Variants in SPEF2 observed in about 807,000 individuals in gnomAD.
SPEF2 encodes the protein sperm flagellar and cilia associated 2, also known as sperm flagella and cilia-associated protein 2.
In SPEF2, 187 loss-of-function variants were observed where a neutral mutation model predicts 224.6. The ratio of observed to expected loss-of-function variants is 0.83; its 90% CI spans 0.74 to 0.94. SPEF2 has a LOEUF of 0.94. SPEF2 is among the 40% of genes least tolerant of loss of function. SPEF2 has a pLI of 0.00. For missense variants in SPEF2, 2,170 were observed against 2,135.6 expected, an observed-to-expected ratio of 1.02 and a Z score of -0.32; for synonymous variants, 715 against 707.3, an observed-to-expected ratio of 1.01 and a Z score of -0.17.
chr5:35,737,699 C>T lies in SPEF2; in HGVS notation c.3064-2220C>T, dbSNP rs375598466. On this transcript the variant is annotated intron_variant, in intron 21 of 36. Coordinates refer to ENST00000356031, the MANE Select transcript of SPEF2 (RefSeq NM_024867.4). ...ACGTATGCATGTGTCTTTATAGCAGCATGATTGATACTCCTTTGGGTATAT... is the reference window on the plus strand; with the variant it reads ...ACGTATGCATGTGTCTTTATAGCAGTATGATTGATACTCCTTTGGGTATAT... Among the ~76,000 whole-genome samples the T allele has an allele frequency of 8.5e-5, 13 of 152,260 alleles. No homozygotes were observed. The East Asian group carries it at 1.9e-3, about 23-fold the overall frequency.
chr5:35,699,113 T>C (rs1454156969), intron 15 of SPEF2: 1 of 152,202 alleles, frequency 6.6e-6, no homozygotes, highest in Non-Finnish European at 1.5e-5. Context: ...ATTTTTAGTT[T>C]CGTGACTTTG....
intron 21 of SPEF2, among the ~76,000 whole-genome samples, chr5:35,738,707 A>G (rs12697350): frequency 0.57 from 85,503 of 150,744 alleles, 25,984 homozygotes; most frequent in Middle Eastern, 0.71. Context: ...GAACCAATTG[A>G]GATGTCTGTG....
chr5:35,647,059 T>C (rs1747476774), intron 5 of SPEF2, among the ~76,000 whole-genome samples: 1 of 150,304 alleles, frequency 6.7e-6, no homozygotes, highest in Non-Finnish European at 1.5e-5. Flanking sequence ...TCTGGACTCC[T>C]GTGTTGAAAA....
chr5:35,661,424 A>G (rs986788554), intron 8 of SPEF2, among the ~76,000 whole-genome samples: 1 of 149,828 alleles, frequency 6.7e-6, no homozygotes, highest in African/African-American at 2.4e-5. Context: ...AAATATATAT[A>G]TATTTGTTTA....
intron 4 of SPEF2, among the ~76,000 whole-genome samples, chr5:35,645,095 T>G (rs1399392883): frequency 6.6e-6 from 1 of 152,086 alleles, no homozygotes; most frequent in Non-Finnish European, 1.5e-5. Flanking sequence ...TTTAATGATC[T>G]TCTGTGCCTT....
chr5:35,773,652 T>C (rs1425385978), intron 27 of SPEF2, among the ~76,000 whole-genome samples: 2 of 152,152 alleles, frequency 1.3e-5, no homozygotes, highest in African/African-American at 4.8e-5. Flanking sequence ...ACCTTATTTT[T>C]TAATTATACT....
chr5:35,786,923 G>A (rs1201142959), intron 30 of SPEF2, among the ~76,000 whole-genome samples: 2 of 152,142 alleles, frequency 1.3e-5, no homozygotes, highest in Non-Finnish European at 2.9e-5. Flanking sequence ...GAGAATATAT[G>A]TCATGAAATA....
Position 35,664,727 on chromosome 5 carries a change from AGAGAGG to A in SPEF2, c.1168-2333_1168-2328del, listed in dbSNP as rs1750216329. 3.5e-5 allele frequency among the ~76,000 whole-genome samples: 5 copies of A among 144,828 alleles called. No individual in the cohort carries two copies. In the South Asian group the frequency reaches 1.2e-3, roughly 35 times the overall value. On this transcript the variant is annotated intron_variant, in intron 8 of 36. Coordinates refer to ENST00000356031, the MANE Select transcript of SPEF2 (RefSeq NM_024867.4). ...GAGAGAGAGAGAGAGAGGGAGGGAG[AGAGAGG>A]GAGAGGGAGAGAGAGAGAGGAAGGA... is the stretch of plus-strand genomic sequence containing the variant.
At chr5:35,789,000 G>T (rs867963986) in intron 30 of SPEF2, 9 of 698,448 alleles carry the variant, frequency 1.3e-5, no homozygotes, top group African/African-American at 1.7e-5. Context: ...TTTCTCAAGG[G>T]ATATCCTGCA....
rs1210989364 is a variant in SPEF2, at chr5:35,685,478, A to G, written c.1525-5559A>G. On this transcript the variant is annotated intron_variant, in intron 10 of 36. Coordinates refer to ENST00000356031, the MANE Select transcript of SPEF2 (RefSeq NM_024867.4). Reference sequence around the variant, plus strand: ...AGAACACAGGGATATACTTATTTATATATGACATAGCGTAATTATAGAAAT... The same window carrying G: ...AGAACACAGGGATATACTTATTTATGTATGACATAGCGTAATTATAGAAAT... Among the ~76,000 whole-genome samples the G allele has an allele frequency of 3.9e-5, 6 of 152,146 alleles. No individual in the cohort carries two copies. The East Asian group carries it at 1.2e-3, about 29-fold the overall frequency.
At chr5:35,772,181 G>C (rs1225686174) in intron 27 of SPEF2, among the ~76,000 whole-genome samples, 1 of 152,152 alleles carries the variant, frequency 6.6e-6, no homozygotes, top group African/African-American at 2.4e-5. Flanking sequence ...TGGCTCAGTA[G>C]CATGAGGGAA....
intron 8 of SPEF2, among the ~76,000 whole-genome samples, chr5:35,660,661 T>A (rs1749571501): frequency 6.6e-6 from 1 of 152,212 alleles, no homozygotes; most frequent in African/African-American, 2.4e-5. Flanking sequence ...TTCATCTCTC[T>A]TCTTTGGCAA....
intron 6 of SPEF2, among the ~76,000 whole-genome samples, chr5:35,652,735 T>G (rs1475243350): frequency 6.6e-6 from 1 of 152,166 alleles, no homozygotes; most frequent in Non-Finnish European, 1.5e-5. Flanking sequence ...ACCTCCAAAT[T>G]ATGACCTATA....
At chr5:35,668,215 T>G (rs1750785991) in intron 9 of SPEF2, among the ~76,000 whole-genome samples, 1 of 152,176 alleles carries the variant, frequency 6.6e-6, no homozygotes, top group Admixed American at 6.6e-5. Flanking sequence ...ATACAAATGT[T>G]TATATCACCT....
intron 30 of SPEF2, among the ~76,000 whole-genome samples, chr5:35,780,679 A>G (rs951735123): frequency 6.6e-6 from 1 of 152,096 alleles, no homozygotes; most frequent in African/African-American, 2.4e-5. Flanking sequence ...TTTTCTCTTC[A>G]TTTTATCCAG....
In SPEF2 at chr5:35,814,601, A is replaced by C. The variant is rs763426018; in HGVS notation, c.*48A>C. 6 of 1,238,908 alleles carry C rather than the reference A, an allele frequency of 4.8e-6. No individual in the cohort carries two copies. The highest frequency in any genetic ancestry group is 7.0e-6 in the Non-Finnish European group (6 of 862,872). The allele number at this position is 1,238,908 out of a possible 1,614,324, so 76.7% of individuals were successfully genotyped here. On this transcript the variant is annotated 3_prime_UTR_variant, in exon 37 of 37. Coordinates refer to ENST00000356031, the MANE Select transcript of SPEF2 (RefSeq NM_024867.4). ...TAATTCTGCAATAAATCTTCCAAAA[A>C]TTAAATGTGACCATGGTGTTTGTCA...
At chr5:35,789,185 CA>C (rs1320280757) in intron 30 of SPEF2, 1 of 702,944 alleles carries the variant, frequency 1.4e-6, no homozygotes, top group East Asian at 2.7e-5. Context: ...TGACACCAGT[CA>C]AAAGAAACCC....
intron 20 of SPEF2, among the ~76,000 whole-genome samples, chr5:35,714,775 G>T (rs1251908106): frequency 1.3e-5 from 2 of 150,802 alleles, no homozygotes; most frequent in Non-Finnish European, 2.9e-5. Context: ...AATTAATCTG[G>T]TGGCATTGCA....
At chr5:35,790,325 A>T in intron 30 of SPEF2, 1 of 572,304 alleles carries the variant, frequency 1.7e-6, no homozygotes, top group Non-Finnish European at 3.1e-6. Context: ...GTGACACAAG[A>T]TCTAATTCAG....
Sources: allele counts gnomAD v4.1 joint callset (sites outside exome capture counted in the v4.1 genomes callset), GRCh38; gene constraint gnomAD v4.1.1; transcripts MANE v1.5; gene names NCBI Gene and HGNC (gene_info 2026-07-23, HGNC 2026-07-21).